Variants in HECTD4 observed in about 807,000 individuals in gnomAD.
HECTD4 encodes HECT domain E3 ubiquitin protein ligase 4, also known as probable E3 ubiquitin-protein ligase HECTD4.
Under a neutral mutation model 471.5 loss-of-function variants are expected in HECTD4, and 114 were observed. The ratio of observed to expected loss-of-function variants is 0.24; its 90% CI spans 0.21 to 0.28. The LOEUF is 0.28. HECTD4 is among the 10% of genes least tolerant of loss of function. The pLI is 1.00. For synonymous variants in HECTD4, 2,012 were observed against 2,256.0 expected, an observed-to-expected ratio of 0.89 and a Z score of 3.07; for missense variants, 3,866 against 5,651.5, an observed-to-expected ratio of 0.68 and a Z score of 10.13.
chr12:112,344,593 T>A (rs2036112629), intron 1 of HECTD4, among the ~76,000 whole-genome samples: 1 of 151,982 alleles, frequency 6.6e-6, no homozygotes, highest in Non-Finnish European at 1.5e-5. Context: ...TGTCTTGAGT[T>A]TTTCCTATCA....
chr12:112,364,653 C>T (rs1444194416), intron 1 of HECTD4, among the ~76,000 whole-genome samples: 2 of 151,974 alleles, frequency 1.3e-5, no homozygotes, highest in South Asian at 2.1e-4. Context: ...CAATTGAGCC[C>T]GGGAGGTCCA....
chr12:112,229,251 C>T (rs1371709058), intron 41 of HECTD4, among the ~76,000 whole-genome samples: 2 of 152,060 alleles, frequency 1.3e-5, no homozygotes, highest in African/African-American at 2.4e-5. Flanking sequence ...CATTTGAACC[C>T]GGGAGACAGA....
intron 1 of HECTD4, among the ~76,000 whole-genome samples, chr12:112,339,613 T>A (rs549992366): frequency 6.6e-6 from 1 of 152,192 alleles, no homozygotes; most frequent in East Asian, 1.9e-4. Context: ...TTTGTGTGTG[T>A]ATTTAAAATG....
rs149409632 is a variant in HECTD4, at chr12:112,232,795, G to C, written c.5997+209C>G. 5.9e-5 allele frequency among the ~76,000 whole-genome samples: 9 copies of C among 152,156 alleles called. No homozygotes were observed. In the East Asian group the frequency reaches 1.7e-3, roughly 29 times the overall value. On this transcript the variant is annotated intron_variant, in intron 38 of 75. Transcript: ENST00000682272. ...AAAAGAGCTAAGAAAAAATTTCTAG[G>C]TCAAAACTAAAAGTTTTGATTTTGA...
At chr12:112,343,519 C>G (rs2036089070) in intron 1 of HECTD4, among the ~76,000 whole-genome samples, 1 of 152,108 alleles carries the variant, frequency 6.6e-6, no homozygotes. Context: ...TCTGTAATCC[C>G]AGCACTTGGG....
chr12:112,314,689 A>G, intron 2 of HECTD4, 143 bp from the exon 3 acceptor site: 1 of 603,730 alleles, frequency 1.7e-6, no homozygotes, highest in Non-Finnish European at 2.9e-6. Context: ...TGTTGTAAAA[A>G]AAATACTTGA....
chr12:112,187,534 G>A (rs562558260), intron 60 of HECTD4, among the ~76,000 whole-genome samples: 6 of 147,656 alleles, frequency 4.1e-5, no homozygotes, highest in African/African-American at 1.0e-4. Context: ...CACCAGGCCC[G>A]GCCTGTATTT....
chr12:112,289,049 G>A (rs1005947976), intron 7 of HECTD4, among the ~76,000 whole-genome samples: 10 of 152,122 alleles, frequency 6.6e-5, no homozygotes, highest in South Asian at 2.1e-4. Flanking sequence ...GGATAATCTC[G>A]ACATTCCATT....
In HECTD4 at chr12:112,276,708, T is replaced by C. The variant is rs183702846; in HGVS notation, c.1688-1748A>G. On this transcript the variant is annotated intron_variant, in intron 9 of 75. Transcript: ENST00000682272. ...GATCTGCCCGCCACAGCCTCCCAAGTGCTGGGATTACAGGCGTGAGCCACT... is the reference window on the plus strand; with the variant it reads ...GATCTGCCCGCCACAGCCTCCCAAGCGCTGGGATTACAGGCGTGAGCCACT... Among the ~76,000 whole-genome samples the C allele has an allele frequency of 7.5e-3, 1,141 of 152,316 alleles. 15 individuals are homozygous for C. The highest frequency in any genetic ancestry group is 0.027 in the African/African-American group (1,102 of 41,562).
Position 112,252,543 on chromosome 12 carries a change from A to T in HECTD4, c.3448-15T>A. On this transcript the variant is annotated splice_polypyrimidine_tract_variant and intron_variant, in intron 22 of 75. Coordinates refer to ENST00000682272, the MANE Select transcript of HECTD4 (RefSeq NM_001388303.1). ...TCTCCTTCCACCTTAAAATTTAAGGAAGGGGGGGAAATGCACTTTAAAAAC... is the reference window on the plus strand; with the variant it reads ...TCTCCTTCCACCTTAAAATTTAAGGTAGGGGGGGAAATGCACTTTAAAAAC... 6.2e-7 allele frequency: 1 copy of T among 1,601,912 alleles called. No homozygotes were observed. The highest frequency in any genetic ancestry group is 8.5e-7 in the Non-Finnish European group (1 of 1,175,808).
At position 112,180,531 on chromosome 12, in the gene HECTD4, T is replaced by TA. The variant is rs35992099; in HGVS notation, c.10988-1135dup. 1.0e-3 allele frequency among the ~76,000 whole-genome samples: 143 copies of TA among 140,062 alleles called. 2 individuals are homozygous for TA. Among genetic ancestry groups the TA allele is most frequent in the South Asian group, 8.2e-3 (36 of 4,400 alleles). 91.9% of individuals were successfully genotyped at this position (140,062 alleles called of 152,430 possible). A position where few individuals can be genotyped will look rare whatever the true frequency, so the allele number is the denominator to read the frequency against. Reference sequence around the variant, plus strand: ...GCCTGGGTGACAGAGTGAGACTGTTTAAAAAAAAAAAAACAACAACAACAA... The same window carrying TA: ...GCCTGGGTGACAGAGTGAGACTGTTTAAAAAAAAAAAAAACAACAACAACAA... On this transcript the variant is annotated intron_variant, in intron 62 of 75. Transcript: ENST00000682272.
Position 112,314,460 on chromosome 12 carries a change from T to C in HECTD4, c.782A>G (p.Tyr261Cys), listed in dbSNP as rs754552878. Residue 261 changes from tyrosine to cysteine, a missense_variant, in exon 3 of 76, where the codon TAT becomes TGT. Physicochemically the swap from Tyr to Cys is radical, Grantham distance 194 (BLOSUM62 -2). Transcript: ENST00000682272. ...AGGATACAAAGTGACAACTTACCTA[T>C]ATAGCACATCAGCTACAGGCAGGGA... ...LGSLPVADVLYRLLLLEGGPG... is the reference protein window; with the variant it reads ...LGSLPVADVLCRLLLLEGGPG... 3.3e-6 allele frequency: 5 copies of C among 1,502,176 alleles called. No individual in the cohort carries two copies. In the East Asian group the frequency reaches 9.8e-5, roughly 29 times the overall value. 93.1% of individuals were successfully genotyped at this position (1,502,176 alleles called of 1,614,324 possible).
Position 112,213,165 on chromosome 12 carries a change from TA to T in HECTD4, c.7466-516del, listed in dbSNP as rs1280348270. On this transcript the variant is annotated intron_variant, in intron 48 of 75. Transcript: ENST00000682272. This position sits in a 1 kb window ranked among gnomAD's most constrained non-coding sequence, Gnocchi z 4.0. ...CATTTAAAGAAGCTGTCAGAATTTT[TA>T]GAAGGAAAATGCCTAGTGTCTGTGT... Among the ~76,000 whole-genome samples, 1 of 152,178 alleles carries T rather than the reference TA, an allele frequency of 6.6e-6. No individual in the cohort carries two copies. Among genetic ancestry groups the T allele is most frequent in the African/African-American group, 2.4e-5 (1 of 41,452 alleles).
Position 112,381,832 on chromosome 12 carries a change from C to CACCT in HECTD4, c.177+116_177+119dup. ...CACCTGCCCGCCCCGCGCCCACACACACCTGCCCCGGCAGCCGCCGGGAGG... is the reference window on the plus strand; with the variant it reads ...CACCTGCCCGCCCCGCGCCCACACACACCTACCTGCCCCGGCAGCCGCCGGGAGG... On this transcript the variant is annotated intron_variant, in intron 1 of 75. Coordinates refer to ENST00000682272, the MANE Select transcript of HECTD4 (RefSeq NM_001388303.1). The surrounding 1 kb of genome is among the most constrained non-coding windows in gnomAD (Gnocchi z 4.1). 1 of 653,332 alleles carries CACCT rather than the reference C, an allele frequency of 1.5e-6. No individual in the cohort carries two copies. The highest frequency in any genetic ancestry group is 2.1e-6 in the Non-Finnish European group (1 of 469,352). The allele number at this position is 653,332 out of a possible 1,614,324, so 40.5% of individuals were successfully genotyped here.
intron 1 of HECTD4, among the ~76,000 whole-genome samples, chr12:112,348,289 A>G (rs2036193003): frequency 6.6e-6 from 1 of 152,202 alleles, no homozygotes; most frequent in Non-Finnish European, 1.5e-5. Context: ...CGACCTCTAA[A>G]GCAAGAGGTG....
chr12:112,206,560 G>A (rs1402291716), intron 52 of HECTD4, among the ~76,000 whole-genome samples: 1 of 138,092 alleles, frequency 7.2e-6, no homozygotes, highest in Non-Finnish European at 1.5e-5. Context: ...TTTTTGAGAC[G>A]GAGTCTGGCT....
intron 13 of HECTD4, chr12:112,267,239 T>C (rs1393631513): frequency 6.7e-6 from 3 of 449,212 alleles, no homozygotes; most frequent in East Asian, 4.1e-5. Context: ...CCATCCCCGA[T>C]AGAGGAGGAC....
At position 112,185,145 on chromosome 12, in the gene HECTD4, CTCA is replaced by C; in HGVS notation, c.9818_9820del (p.Met3273del). 6.4e-7 allele frequency: 1 copy of C among 1,553,712 alleles called. No individual in the cohort carries two copies. Among genetic ancestry groups the C allele is most frequent in the Non-Finnish European group, 8.7e-7 (1 of 1,148,066 alleles). ...TGAGGTCACCCCACTGGCTGTGACACTCATGTTAGTAGGCAGGGTCACTTCGGC... is the reference window on the plus strand; with the variant it reads ...TGAGGTCACCCCACTGGCTGTGACACTGTTAGTAGGCAGGGTCACTTCGGC... On this transcript the variant is annotated inframe_deletion, in exon 61 of 76. Transcript: ENST00000682272.
rs2031149641 is a variant in HECTD4, at chr12:112,169,999, ACT to A, written c.12052+332_12052+333del. ...CTTCTGTCTATACGCTGTGGCAGAG[ACT>A]CTGGGGAGCCTCCCCAGTGACCTTC... On this transcript the variant is annotated intron_variant, in intron 69 of 75. Coordinates refer to ENST00000682272, the MANE Select transcript of HECTD4 (RefSeq NM_001388303.1). 9.8e-5 allele frequency: 52 copies of A among 530,846 alleles called. No homozygotes were observed. In the South Asian group the frequency reaches 1.1e-3, roughly 11 times the overall value. 32.9% of individuals were successfully genotyped at this position (530,846 alleles called of 1,614,324 possible).
Sources: allele counts gnomAD v4.1 joint callset (sites outside exome capture counted in the v4.1 genomes callset), GRCh38; gene constraint gnomAD v4.1.1; non-coding constraint Gnocchi (gnomAD v3.1); transcripts MANE v1.5; gene names NCBI Gene and HGNC (gene_info 2026-07-23, HGNC 2026-07-21).